CCDC92: variants seen among roughly 807,000 people sequenced by gnomAD.
CCDC92 encodes the protein coiled-coil domain containing 92, also known as coiled-coil domain-containing protein 92.
In CCDC92, 12 loss-of-function variants were observed where a neutral mutation model predicts 24.9. The ratio of observed to expected loss-of-function variants is 0.48; its 90% CI spans 0.31 to 0.78. The LOEUF (loss-of-function observed/expected upper bound fraction) is 0.78. CCDC92 is among the 30% of genes least tolerant of loss of function. The probability of loss-of-function intolerance (pLI) is 0.05; values close to 1 mark genes in which losing one functional copy is unlikely to be tolerated. For missense variants in CCDC92, 399 were observed against 439.4 expected (o/e 0.91, Z 0.82); for synonymous variants, 193 against 196.3 (o/e 0.98, Z 0.14).
intron 1 of CCDC92, chr12:123,960,923 G>C (rs573547685): frequency 1.8e-4 from 27 of 152,280 alleles, no homozygotes; most frequent in African/African-American, 5.5e-4. Flanking sequence ...AGTTTACAAG[G>C]CCTTTACAAT....
rs1027806373 is a variant in CCDC92, at chr12:123,943,789, C to T, written c.35-296G>A. 6.0e-6 allele frequency: 3 copies of T among 501,702 alleles called. No homozygotes were observed. In the South Asian group the frequency reaches 8.6e-5, roughly 14 times the overall value. 31.1% of individuals were successfully genotyped at this position (501,702 alleles called of 1,614,324 possible). On this transcript the variant is annotated intron_variant, in intron 2 of 4. Coordinates refer to ENST00000238156, the MANE Select transcript of CCDC92 (RefSeq NM_025140.3). ...CACTCCAGAGTACAAAGTCATTTCC[C>T]TTTACTCATGAGGAAACAGATCAAG... is the stretch of plus-strand genomic sequence containing the variant.
At chr12:123,944,151 C>G (rs977522714) in intron 2 of CCDC92, 121 bp downstream of exon 2, 2 of 721,650 alleles carry the variant, frequency 2.8e-6, no homozygotes, top group South Asian at 1.5e-5. Context: ...TTGGGAAGGT[C>G]TGAGAACGTA....
intron 4 of CCDC92, among the ~76,000 whole-genome samples, chr12:123,941,221 G>A (rs1326709417): frequency 6.6e-6 from 1 of 152,202 alleles, no homozygotes; most frequent in African/African-American, 2.4e-5. Context: ...CCTAGTGTCA[G>A]GCTGAAATCC....
intron 4 of CCDC92, among the ~76,000 whole-genome samples, chr12:123,941,630 T>C (rs979355827): frequency 7.2e-5 from 11 of 152,244 alleles, no homozygotes; most frequent in African/African-American, 2.7e-4. Flanking sequence ...CCTTGCTCTA[T>C]GTATATCTCT....
chr12:123,947,785 C>T (rs868071985), intron 1 of CCDC92, among the ~76,000 whole-genome samples: 12 of 152,266 alleles, frequency 7.9e-5, no homozygotes, highest in African/African-American at 2.6e-4. Context: ...CTGCCCGAGC[C>T]AGCAGTGGCA....
chr12:123,945,592 AAAGG>A (rs1260506074), intron 1 of CCDC92: 1 of 152,246 alleles, frequency 6.6e-6, no homozygotes, highest in Non-Finnish European at 1.5e-5. Flanking sequence ...CCTCAGCGTC[AAAGG>A]AAGGAAAATC....
At position 123,937,860 on chromosome 12, in the gene CCDC92, A is replaced by C; in HGVS notation, c.224-30T>G. On this transcript the variant is annotated intron_variant, in intron 4 of 4. Coordinates refer to ENST00000238156, the MANE Select transcript of CCDC92 (RefSeq NM_025140.3). The surrounding 1 kb of genome is among the most constrained non-coding windows in gnomAD (Gnocchi z 8.4). ...AAGAATAAGCCGAGGAAGCAGGTGA[A>C]GAACTCATTAGACTGAGGCCGAGTG... The C allele has an allele frequency of 6.4e-7, 1 of 1,573,574 alleles. No homozygotes were observed. The highest frequency in any genetic ancestry group is 1.7e-4 in the Middle Eastern group (1 of 5,896).
chr12:123,969,498 C>T (rs181971434), intron 1 of CCDC92, among the ~76,000 whole-genome samples: 56 of 118,698 alleles, frequency 4.7e-4, no homozygotes, highest in Non-Finnish European at 6.8e-4. Context: ...GAGACGGAGT[C>T]TCCATCTGTT....
intron 1 of CCDC92, among the ~76,000 whole-genome samples, chr12:123,956,975 T>C (rs1278585715): frequency 6.6e-6 from 1 of 152,262 alleles, no homozygotes; most frequent in Non-Finnish European, 1.5e-5. Flanking sequence ...TTATTCTTAC[T>C]GTCCTTGCCT....
At chr12:123,959,701 T>C (rs1487809054) in intron 1 of CCDC92, among the ~76,000 whole-genome samples, 1 of 152,256 alleles carries the variant, frequency 6.6e-6, no homozygotes, top group Non-Finnish European at 1.5e-5. Flanking sequence ...CTCAGAGATG[T>C]GACCACACTC....
chr12:123,943,632 T>G, intron 2 of CCDC92, 139 bp from the exon 3 acceptor site: 1 of 892,886 alleles, frequency 1.1e-6, no homozygotes, highest in Non-Finnish European at 1.7e-6. Flanking sequence ...GGGCAGGGTG[T>G]GGGGGCACCA....
chr12:123,940,721 C>G (rs1016402681), intron 4 of CCDC92, among the ~76,000 whole-genome samples: 16 of 152,332 alleles, frequency 1.1e-4, no homozygotes, highest in Admixed American at 4.6e-4. Context: ...CACTGCTGAG[C>G]CTGCCCGAGC....
At chr12:123,939,804 T>TAAGA (rs1955631212) in intron 4 of CCDC92, among the ~76,000 whole-genome samples, 1 of 152,218 alleles carries the variant, frequency 6.6e-6, no homozygotes, top group Non-Finnish European at 1.5e-5. Flanking sequence ...GTAGACACTG[T>TAAGA]AAGACCCAGG....
chr12:123,943,750 G>C (rs1282722503), intron 2 of CCDC92: 1 of 555,090 alleles, frequency 1.8e-6, no homozygotes, highest in Non-Finnish European at 3.2e-6. Flanking sequence ...CCTGGCACAT[G>C]AATGAGTGAG....
intron 4 of CCDC92, among the ~76,000 whole-genome samples, chr12:123,938,150 C>T (rs1048564380): frequency 1.3e-5 from 2 of 152,240 alleles, no homozygotes; most frequent in African/African-American, 4.8e-5. Context: ...TTCAACTGGC[C>T]GCAAATCCCT....
At chr12:123,965,899 A>C (rs898153536) in intron 1 of CCDC92, among the ~76,000 whole-genome samples, 1 of 152,246 alleles carries the variant, frequency 6.6e-6, no homozygotes, top group Non-Finnish European at 1.5e-5. Context: ...AGTAGCCATA[A>C]AGACAACGAG....
Position 123,935,703 on chromosome 12 carries a change from T to C in CCDC92, c.*1355A>G, listed in dbSNP as rs377334649. On this transcript the variant is annotated 3_prime_UTR_variant, in exon 5 of 5. Transcript: ENST00000238156. ...GGAATTTATATAATCAAAAAGTAAA[T>C]ATTGGAGAGTATTTTAAGATGTGTG... 6.7e-6 allele frequency: 3 copies of C among 447,450 alleles called. No homozygotes were observed. Among genetic ancestry groups the C allele is most frequent in the African/African-American group, 1.9e-5 (1 of 51,428 alleles). The allele number at this position is 447,450 out of a possible 1,614,324, so 27.7% of individuals were successfully genotyped here.
chr12:123,947,945 A>G (rs532809866), intron 1 of CCDC92, among the ~76,000 whole-genome samples: 1 of 152,326 alleles, frequency 6.6e-6, no homozygotes, highest in South Asian at 2.1e-4. Flanking sequence ...TGAGCCAGTG[A>G]GACCGCGAAC....
chr12:123,947,747 TG>T (rs1955914935), intron 1 of CCDC92, among the ~76,000 whole-genome samples: 1 of 152,012 alleles, frequency 6.6e-6, no homozygotes, highest in African/African-American at 2.4e-5. Context: ...AGGATGTGGG[TG>T]GGGCCAGATA....
Sources: gnomAD v4.1 joint callset for allele counts (sites outside exome capture counted in the v4.1 genomes callset) on GRCh38, gnomAD v4.1.1 for gene constraint, Gnocchi (gnomAD v3.1) non-coding constraint, MANE v1.5 for transcripts, NCBI Gene and HGNC (gene_info 2026-07-23, HGNC 2026-07-21) for gene names.